Variants in DLGAP1 observed in about 807,000 individuals in gnomAD.
The protein encoded by DLGAP1 is disks large-associated protein 1.
Under a neutral mutation model 90.8 loss-of-function variants are expected in DLGAP1, and 11 were observed. The observed-to-expected ratio is 0.12, with a 90% confidence interval of 0.08 to 0.20. DLGAP1 has a LOEUF of 0.20. DLGAP1 is among the 10% of genes least tolerant of loss of function. DLGAP1 has a pLI of 1.00. For missense variants in DLGAP1, 1,050 were observed against 1,333.8 expected, an observed-to-expected ratio of 0.79 and a Z score of 3.31; for synonymous variants, 558 against 540.7, an observed-to-expected ratio of 1.03 and a Z score of -0.44.
intron 1 of DLGAP1, among the ~76,000 whole-genome samples, chr18:4,346,481 A>G (rs191679306): frequency 1.3e-5 from 2 of 152,328 alleles, no homozygotes; most frequent in Admixed American, 1.3e-4. Context: ...AGTACACAAT[A>G]TTAAGCACTG....
intron 7 of DLGAP1, among the ~76,000 whole-genome samples, chr18:3,591,200 G>T (rs1171142256): frequency 6.6e-6 from 1 of 152,028 alleles, no homozygotes; most frequent in African/African-American, 2.4e-5. Context: ...TATTCAAGAG[G>T]TAACTTGAAG....
rs1451642836 is a variant in DLGAP1, at chr18:3,880,030, C to G, written c.39G>C (p.Gly13=). ...AGTCACAGGCCGAGTCGCAGGTGAC[C>G]CCGTGGTGATGGCTGCGGCTGCCTG... ...GLSGSRSHHH[G]VTCDSACDSL... Residue 13 remains glycine, a synonymous_variant, in exon 4 of 13, where the codon GGG becomes GGC. Coordinates refer to ENST00000315677, the MANE Select transcript of DLGAP1 (RefSeq NM_004746.4). The G allele has an allele frequency of 1.2e-6, 2 of 1,606,592 alleles. No individual in the cohort carries two copies. The highest frequency in any genetic ancestry group is 1.7e-6 in the Non-Finnish European group (2 of 1,179,838).
rs61248778 is a variant in DLGAP1, at chr18:3,860,101, A to AAAATAAATAAATAAATAAAT, written c.957+18991_957+19010dup. Among the ~76,000 whole-genome samples the AAAATAAATAAATAAATAAAT allele has an allele frequency of 5.9e-3, 849 of 144,396 alleles. 13 individuals are homozygous for AAAATAAATAAATAAATAAAT. Among genetic ancestry groups the AAAATAAATAAATAAATAAAT allele is most frequent in the South Asian group, 0.03 (133 of 4,452 alleles). The allele number at this position is 144,396 out of a possible 152,430, so 94.7% of individuals were successfully genotyped here. On this transcript the variant is annotated intron_variant, in intron 4 of 12. Coordinates refer to ENST00000315677, the MANE Select transcript of DLGAP1 (RefSeq NM_004746.4). ...GCGACAGAGCGAGACTCTGTCTCAA[A>AAAATAAATAAATAAATAAAT]AAATAAATAAATAAATAAATTTGCA...
intron 5 of DLGAP1, among the ~76,000 whole-genome samples, chr18:3,776,687 TAA>T (rs1454575266): frequency 1.3e-5 from 2 of 152,144 alleles, no homozygotes; most frequent in African/African-American, 4.8e-5. Flanking sequence ...CTGAAAGTGA[TAA>T]AGAGGAAATT....
At chr18:4,409,050 A>G (rs9303949) in intron 1 of DLGAP1, among the ~76,000 whole-genome samples, 9,453 of 152,024 alleles carry the variant, frequency 0.062, 951 homozygotes, top group African/African-American at 0.22. Flanking sequence ...ATGTCCAGCA[A>G]TAGGTTATTT....
intron 4 of DLGAP1, among the ~76,000 whole-genome samples, chr18:3,853,752 C>T (rs1210560354): frequency 2.0e-5 from 3 of 152,046 alleles, no homozygotes; most frequent in Non-Finnish European, 2.9e-5. Context: ...GTCATGTTGG[C>T]TCTCAAAATG....
At chr18:3,951,135 T>C (rs1429982231) in intron 3 of DLGAP1, among the ~76,000 whole-genome samples, 3 of 152,222 alleles carry the variant, frequency 2.0e-5, no homozygotes, top group African/African-American at 4.8e-5. Flanking sequence ...GTTTGCCCCA[T>C]GGTGTAAGAC....
intron 7 of DLGAP1, among the ~76,000 whole-genome samples, chr18:3,707,502 A>C (rs934990617): frequency 6.6e-6 from 1 of 151,930 alleles, no homozygotes; most frequent in African/African-American, 2.4e-5. Context: ...CAGGAGGCTG[A>C]GACAGGAGAA....
At chr18:3,509,503 C>A (rs2050421081) in intron 10 of DLGAP1, among the ~76,000 whole-genome samples, 1 of 152,196 alleles carries the variant, frequency 6.6e-6, no homozygotes, top group South Asian at 2.1e-4. Context: ...GGCTCGCCTG[C>A]ACCCTTTGGG....
chr18:3,578,406 G>T (rs1045461297), intron 8 of DLGAP1, among the ~76,000 whole-genome samples: 2 of 151,278 alleles, frequency 1.3e-5, no homozygotes, highest in Non-Finnish European at 2.9e-5. Context: ...CGCCAGGCTG[G>T]AGTGCAGTGG....
At chr18:4,154,948 T>C (rs116265091) in intron 1 of DLGAP1, among the ~76,000 whole-genome samples, 15 of 152,196 alleles carry the variant, frequency 9.9e-5, no homozygotes, top group African/African-American at 3.6e-4. Context: ...AAATAATAAA[T>C]GTAAAACAGT....
chr18:4,051,218 T>C (rs2075129432), intron 2 of DLGAP1, among the ~76,000 whole-genome samples: 1 of 152,180 alleles, frequency 6.6e-6, no homozygotes, highest in African/African-American at 2.4e-5. Flanking sequence ...TTTTTCTATT[T>C]ACCTTGTGAT....
Position 4,241,915 on chromosome 18 carries a change from T to C in DLGAP1, c.-266-90628A>G, listed in dbSNP as rs191029323. Among the ~76,000 whole-genome samples, 64 of 152,324 alleles carry C rather than the reference T, an allele frequency of 4.2e-4. 1 individual carries two copies. The highest frequency in any genetic ancestry group is 2.6e-3 in the Admixed American group (40 of 15,308). ...TTTAATTGATAATAAAAATTGTATA[T>C]ATTTATCATGTACCACATGTTGTTT... On this transcript the variant is annotated intron_variant, in intron 1 of 12. Coordinates refer to ENST00000315677, the MANE Select transcript of DLGAP1 (RefSeq NM_004746.4).
At chr18:4,003,056 T>C (rs2074228347) in intron 3 of DLGAP1, among the ~76,000 whole-genome samples, 1 of 152,196 alleles carries the variant, frequency 6.6e-6, no homozygotes, top group East Asian at 1.9e-4. Flanking sequence ...TCTCCTTCCT[T>C]TCCTCCCCTA....
At position 4,145,396 on chromosome 18, in the gene DLGAP1, G is replaced by A. The variant is rs372766326; in HGVS notation, c.-159+5784C>T. Among the ~76,000 whole-genome samples the A allele has an allele frequency of 7.0e-4, 106 of 152,276 alleles. No individual in the cohort carries two copies. The South Asian group carries it at 0.011, about 16-fold the overall frequency. ...TTTATCTCAGAACACATTAACTTGA[G>A]AGGATTTATAGAATATTAAAATAGA... On this transcript the variant is annotated intron_variant, in intron 2 of 12. Transcript: ENST00000315677.
rs1568495 is a variant in DLGAP1 at position 4,176,729 on chromosome 18, C to A, written c.-266-25442G>T. On this transcript the variant is annotated intron_variant, in intron 1 of 12. Transcript: ENST00000315677. ...TCAACTTGGTGAAGTCTAGAAACTA[C>A]TTTTCCTGGAACCCTCTGCTTCTCT... Among the ~76,000 whole-genome samples, 27 of 152,254 alleles carry A rather than the reference C, an allele frequency of 1.8e-4. 1 individual carries two copies. The highest frequency in any genetic ancestry group is 6.5e-4 in the African/African-American group (27 of 41,508).
At chr18:3,837,212 T>G (rs1306518474) in intron 4 of DLGAP1, among the ~76,000 whole-genome samples, 1 of 152,228 alleles carries the variant, frequency 6.6e-6, no homozygotes, top group Non-Finnish European at 1.5e-5. Context: ...CATATGTTAT[T>G]TTCTTTCTTC....
At chr18:4,018,160 T>C (rs772542802) in intron 2 of DLGAP1, among the ~76,000 whole-genome samples, 3 of 152,194 alleles carry the variant, frequency 2.0e-5, no homozygotes, top group Admixed American at 2.0e-4. Flanking sequence ...TTTGCTTCCA[T>C]GGAGGTCTGA....
intron 3 of DLGAP1, among the ~76,000 whole-genome samples, chr18:3,920,108 C>T (rs1001610643): frequency 2.0e-4 from 31 of 152,092 alleles, no homozygotes; most frequent in African/African-American, 7.0e-4. Flanking sequence ...TTTGGGAGGC[C>T]GAGGCGGGCA....
Sources: allele counts gnomAD v4.1 joint callset (sites outside exome capture counted in the v4.1 genomes callset), GRCh38; gene constraint gnomAD v4.1.1; transcripts MANE v1.5; gene names NCBI Gene and HGNC (gene_info 2026-07-23, HGNC 2026-07-21).